ATP7B: variants seen among roughly 807,000 people sequenced by gnomAD.
The protein encoded by ATP7B is copper-transporting ATPase 2.
In ATP7B, 113 loss-of-function variants were observed where a neutral mutation model predicts 118.9. The observed-to-expected ratio is 0.95, with a 90% CI of 0.82 to 1.11. ATP7B has a LOEUF of 1.11. Among genes scored for constraint, ATP7B ranks in the 50% most tolerant of loss-of-function variants. ATP7B has a pLI of 0.00. For synonymous variants in ATP7B, 777 were observed against 727.4 expected, an observed-to-expected ratio of 1.07 and a Z score of -1.10; for missense variants, 1,867 against 1,871.4, an observed-to-expected ratio of 1.00 and a Z score of 0.04.
chr13:51,949,813 C>T lies in ATP7B; in HGVS notation c.2731-17G>A. 1 of 1,613,920 alleles carries T rather than the reference C, an allele frequency of 6.2e-7. No individual in the cohort carries two copies. The highest frequency in any genetic ancestry group is 8.5e-7 in the Non-Finnish European group (1 of 1,180,024). ...AATGGGTGCCTATGAAAATAAAACA[C>T]CAAGACCATGGGAAATTACAACCTA... On this transcript the variant is annotated splice_polypyrimidine_tract_variant and intron_variant, in intron 11 of 20. Transcript: ENST00000242839.
chr13:51,967,042 G>C lies in ATP7B; in HGVS notation c.1707+1402C>G. The C allele has an allele frequency of 7.5e-6, 12 of 1,610,018 alleles. No individual in the cohort carries two copies. The South Asian group carries it at 1.2e-4, about 16-fold the overall frequency. ...TGCATTGGTTCAGCATCAGGAGTGGGATGGGAAGGAAAGCACAATAACAAG... is the reference window on the plus strand; with the variant it reads ...TGCATTGGTTCAGCATCAGGAGTGGCATGGGAAGGAAAGCACAATAACAAG... On this transcript the variant is annotated intron_variant, in intron 4 of 20. Transcript: ENST00000242839.
intron 4 of ATP7B, among the ~76,000 whole-genome samples, chr13:51,967,364 C>T (rs925101162): frequency 3.3e-5 from 5 of 152,114 alleles, no homozygotes; most frequent in Admixed American, 3.3e-4. Context: ...AAAAAGAACA[C>T]TACAATAAAA....
chr13:52,007,461 C>T (rs1163085469), intron 1 of ATP7B, among the ~76,000 whole-genome samples: 1 of 152,250 alleles, frequency 6.6e-6, no homozygotes, highest in African/African-American at 2.4e-5. Context: ...CCCTCTGCCA[C>T]AGCCACTCTG....
At chr13:52,011,251 G>A (rs750257794) in intron 1 of ATP7B, 36 bp downstream of exon 1, 1 of 1,614,098 alleles carries the variant, frequency 6.2e-7, no homozygotes, top group Non-Finnish European at 8.5e-7. Flanking sequence ...TGGTGGGAGT[G>A]AGCACGCTGC....
At chr13:51,998,843 A>C (rs1226498688) in intron 1 of ATP7B, among the ~76,000 whole-genome samples, 1 of 152,202 alleles carries the variant, frequency 6.6e-6, no homozygotes, top group African/African-American at 2.4e-5. Context: ...CATCTGGTTA[A>C]AATATTTCAG....
At chr13:51,991,402 G>A (rs1439173770) in intron 1 of ATP7B, among the ~76,000 whole-genome samples, 2 of 152,000 alleles carry the variant, frequency 1.3e-5, no homozygotes, top group African/African-American at 2.4e-5. Flanking sequence ...TCACTGATGG[G>A]AGGATCCCTT....
intron 1 of ATP7B, among the ~76,000 whole-genome samples, chr13:51,997,887 T>C (rs1032424879): frequency 1.3e-4 from 20 of 151,854 alleles, no homozygotes; most frequent in Non-Finnish European, 2.6e-4. Flanking sequence ...GCGGGGAGGG[T>C]GGGAAGAAGG....
chr13:51,951,444 C>T (rs147715558), intron 9 of ATP7B, among the ~76,000 whole-genome samples: 1 of 152,088 alleles, frequency 6.6e-6, no homozygotes, highest in African/African-American at 2.4e-5. Flanking sequence ...TTGACTTCCA[C>T]GTAGAAATGC....
intron 19 of ATP7B, among the ~76,000 whole-genome samples, chr13:51,936,927 A>G (rs1266435826): frequency 6.6e-6 from 1 of 152,234 alleles, no homozygotes; most frequent in African/African-American, 2.4e-5. Context: ...AATTGTGCCT[A>G]GCATGTAGCA....
chr13:51,962,953 G>A (rs1020645548), intron 5 of ATP7B, among the ~76,000 whole-genome samples: 8 of 151,880 alleles, frequency 5.3e-5, no homozygotes, highest in South Asian at 2.1e-4. Flanking sequence ...TTAGCCAGGC[G>A]TGGTGGTGCA....
At chr13:51,958,177 A>G in intron 8 of ATP7B, 134 bp downstream of exon 8, 1 of 1,038,790 alleles carries the variant, frequency 9.6e-7, no homozygotes, top group South Asian at 1.5e-5. Context: ...CACCTTAATT[A>G]TATGGAGGTT....
chr13:51,937,225 A>C (rs1350430747), intron 19 of ATP7B, 51 bp downstream of exon 19: 4 of 1,560,276 alleles, frequency 2.6e-6, no homozygotes, highest in Middle Eastern at 1.7e-4. Context: ...AACCTGGGAG[A>C]CAGAAGCCTT....
intron 1 of ATP7B, among the ~76,000 whole-genome samples, chr13:51,980,316 T>C (rs912101530): frequency 1.4e-4 from 21 of 152,068 alleles, no homozygotes; most frequent in African/African-American, 4.8e-4. Flanking sequence ...AATGACTTTT[T>C]CTAGCTTTTG....
chr13:51,946,351 C>G lies in ATP7B; in HGVS notation c.2993G>C (p.Gly998Ala). The change falls in exon 13 of 21, where the codon GGC (glycine) becomes GCC (alanine). Residue 998 changes from glycine (G) to alanine (A), a missense_variant. Physicochemically the swap from Gly to Ala is moderately conservative, Grantham distance 60. Transcript: ENST00000242839. ...GLATPTAVMV[G>A]TGVAAQNGIL... ...GCCGTTCTGCGCGGCCACCCCGGTG[C>G]CCACCATGACAGCCGTGGGCGTGGC... is the stretch of plus-strand genomic sequence containing the variant. The G allele has an allele frequency of 6.2e-7, 1 of 1,612,296 alleles. No individual in the cohort carries two copies. The highest frequency in any genetic ancestry group is 8.5e-7 in the Non-Finnish European group (1 of 1,179,600).
chr13:52,000,750 G>A (rs989568216), intron 1 of ATP7B, among the ~76,000 whole-genome samples: 6 of 152,212 alleles, frequency 3.9e-5, no homozygotes, highest in African/African-American at 1.2e-4. Flanking sequence ...TCCAGGTGCA[G>A]GGGCTCATGC....
chr13:51,975,113 CTCT>C lies in ATP7B; in HGVS notation c.104_106del (p.Lys35del). 1 of 1,614,272 alleles carries C rather than the reference CTCT, an allele frequency of 6.2e-7. No homozygotes were observed. ...ATAGCCAACATTGTCAAAAGCAAAA[CTCT>C]TCTTCATTGCTGGTTCCCAGGCACG... On this transcript the variant is annotated inframe_deletion, in exon 2 of 21. Coordinates refer to ENST00000242839, the MANE Select transcript of ATP7B (RefSeq NM_000053.4).
At position 51,941,179 on chromosome 13, in the gene ATP7B, C is replaced by G. The variant is rs1290927406; in HGVS notation, c.3458G>C (p.Trp1153Ser). Reference sequence around the variant, plus strand: ...AATGGTTAAACCGTTGCGCCTCAGCCACTCACGGTTTCCAATCAGCACAGA... The same window carrying G: ...AATGGTTAAACCGTTGCGCCTCAGCGACTCACGGTTTCCAATCAGCACAGA... ...TFSVLIGNREWLRRNGLTISS... is the reference protein window; with the variant it reads ...TFSVLIGNRESLRRNGLTISS... Residue 1153 changes from tryptophan (W) to serine (S), a missense_variant, in exon 16 of 21, where the codon TGG (tryptophan) becomes TCG (serine). Trp to Ser is a radical substitution (Grantham distance 177, BLOSUM62 -3). Transcript: ENST00000242839. 5 of 1,614,130 alleles carry G rather than the reference C, an allele frequency of 3.1e-6. No homozygotes were observed. Among genetic ancestry groups the G allele is most frequent in the Non-Finnish European group, 4.2e-6 (5 of 1,180,030 alleles).
rs1178965319 is a variant in ATP7B at position 51,995,485 on chromosome 13, G to GTCA, written c.51+15799_51+15801dup. ...GGACAGACAGCAGGGTCACATGTTGGTCACTCAGAGTTGCCAGGAAGGACT... is the reference window on the plus strand; with the variant it reads ...GGACAGACAGCAGGGTCACATGTTGGTCATCACTCAGAGTTGCCAGGAAGGACT... On this transcript the variant is annotated intron_variant, in intron 1 of 20. Coordinates refer to ENST00000242839, the MANE Select transcript of ATP7B (RefSeq NM_000053.4). 5.3e-5 allele frequency among the ~76,000 whole-genome samples: 8 copies of GTCA among 152,314 alleles called. No homozygotes were observed. The East Asian group carries it at 1.5e-3, about 29-fold the overall frequency.
intron 20 of ATP7B, 86 bp downstream of exon 20, chr13:51,935,507 G>A: frequency 2.2e-6 from 3 of 1,378,974 alleles, no homozygotes; most frequent in Non-Finnish European, 3.0e-6. Flanking sequence ...AATGGGAAAT[G>A]AGAGGCAAGT....
Sources: gnomAD v4.1 joint callset for allele counts (sites outside exome capture counted in the v4.1 genomes callset) on GRCh38, gnomAD v4.1.1 for gene constraint, MANE v1.5 for transcripts, NCBI Gene and HGNC (gene_info 2026-07-23, HGNC 2026-07-21) for gene names.